The following ZFR2 variants were observed in gnomAD, a reference collection of about 807,000 sequenced individuals.
ZFR2 encodes the protein zinc finger RNA-binding protein 2.
A neutral mutation model predicts 105.7 loss-of-function variants in ZFR2; 104 were observed. The observed-to-expected ratio is 0.98, with a 90% CI of 0.84 to 1.16. The LOEUF (loss-of-function observed/expected upper bound fraction) is 1.16, where lower values mean the gene tolerates loss of function less well. ZFR2 is among the 50% of genes most tolerant of loss of function. The pLI is 0.00. For missense variants in ZFR2, 1,425 were observed against 1,355.5 expected (o/e 1.05, Z -0.80); for synonymous variants, 634 against 597.7 (o/e 1.06, Z -0.89).
intron 1 of ZFR2, among the ~76,000 whole-genome samples, chr19:3,841,087 T>C (rs1019512907): frequency 6.6e-6 from 1 of 151,920 alleles, no homozygotes; most frequent in African/African-American, 2.4e-5. Context: ...AGGCCCCATC[T>C]CTGGCTCTAC....
intron 1 of ZFR2, among the ~76,000 whole-genome samples, chr19:3,863,414 G>A (rs997849649): frequency 9.9e-5 from 15 of 152,044 alleles, no homozygotes; most frequent in African/African-American, 2.7e-4. Context: ...TCCCCACTCC[G>A]GGGAGGGGCT....
At chr19:3,851,633 G>A (rs1230885108) in intron 1 of ZFR2, among the ~76,000 whole-genome samples, 1 of 152,214 alleles carries the variant, frequency 6.6e-6, no homozygotes. Flanking sequence ...AGGGGAGGAA[G>A]GGAGGGGACA....
intron 14 of ZFR2, 70 bp from the exon 15 acceptor site, chr19:3,811,436 G>A (rs1360955018): frequency 2.0e-6 from 3 of 1,473,212 alleles, no homozygotes; most frequent in Non-Finnish European, 2.7e-6. Context: ...ACGGGGTGAG[G>A]GGCTCAGTTT....
At chr19:3,808,742 TG>T in intron 17 of ZFR2, 129 bp downstream of exon 17, 1 of 726,156 alleles carries the variant, frequency 1.4e-6, no homozygotes. Context: ...GTGTGTGTTG[TG>T]GGCCGCACTC....
rs748557968 is a variant in ZFR2, at chr19:3,819,204, C to T, written c.1772G>A (p.Arg591Gln). 30 of 1,571,096 alleles carry T rather than the reference C, an allele frequency of 1.9e-5. No individual in the cohort carries two copies. The highest frequency in any genetic ancestry group is 2.1e-5 in the Non-Finnish European group (25 of 1,165,418). The change falls in exon 12 of 19, where the codon CGG becomes CAG. Residue 591 changes from arginine (R) to glutamine (Q), a missense_variant. Coordinates refer to ENST00000262961, the MANE Select transcript of ZFR2 (RefSeq NM_015174.2). ...PGRRPASSDDRHVMCKHATIY... is the reference protein window; with the variant it reads ...PGRRPASSDDQHVMCKHATIY... Reference sequence around the variant, plus strand: ...GGTGGCGTGCTTGCACATGACGTGCCGGTCGTCGCTGGACGCCGGCCGCCG... The same window carrying T: ...GGTGGCGTGCTTGCACATGACGTGCTGGTCGTCGCTGGACGCCGGCCGCCG...
Position 3,811,254 on chromosome 19 carries a change from CA to C in ZFR2, c.2337+17del, listed in dbSNP as rs753127841. 2 of 1,553,654 alleles carry C rather than the reference CA, an allele frequency of 1.3e-6. No individual in the cohort carries two copies. Among genetic ancestry groups the C allele is most frequent in the Admixed American group, 3.9e-5 (2 of 51,876 alleles). Reference sequence around the variant, plus strand: ...CAAAGTCACCCCTCTCCCCCTGCTCCACCCCTGCCCCCCTGACCTGAAACCA... The same window carrying C: ...CAAAGTCACCCCTCTCCCCCTGCTCCCCCCTGCCCCCCTGACCTGAAACCA... On this transcript the variant is annotated intron_variant, in intron 15 of 18. Coordinates refer to ENST00000262961, the MANE Select transcript of ZFR2 (RefSeq NM_015174.2).
At chr19:3,867,304 T>TGGCG (rs1555762878) in intron 1 of ZFR2, among the ~76,000 whole-genome samples, 2 of 149,656 alleles carry the variant, frequency 1.3e-5, no homozygotes, top group South Asian at 2.1e-4. Flanking sequence ...GATCAACTGT[T>TGGCG]GGGGGGGGAA....
rs932689096 is a variant in ZFR2, at chr19:3,858,320, C to T, written c.53+10645G>A. On this transcript the variant is annotated intron_variant, in intron 1 of 18. Transcript: ENST00000262961. This position sits in a 1 kb window ranked among gnomAD's most constrained non-coding sequence, Gnocchi z 4.3. ...GGGATCTGCAGATAGAGGCAGGTGG[C>T]GAAATGTCTTAGGGACAGCCAGGAA... Among the ~76,000 whole-genome samples the T allele has an allele frequency of 1.3e-5, 2 of 152,058 alleles. No individual in the cohort carries two copies. The highest frequency in any genetic ancestry group is 2.9e-5 in the Non-Finnish European group (2 of 68,010).
At chr19:3,810,683 G>A in intron 16 of ZFR2, 67 bp downstream of exon 16, 1 of 1,423,804 alleles carries the variant, frequency 7.0e-7, no homozygotes, top group Non-Finnish European at 9.5e-7. Flanking sequence ...CTCAGCCTGG[G>A]CCTGTCAGGG....
At position 3,819,061 on chromosome 19, in the gene ZFR2, C is replaced by T; in HGVS notation, c.1915G>A (p.Glu639Lys). 6.2e-7 allele frequency: 1 copy of T among 1,612,534 alleles called. No individual in the cohort carries two copies. The highest frequency in any genetic ancestry group is 1.7e-4 in the Middle Eastern group (1 of 5,736). ...TCCAATGACCTGCGCTTGTCACCCT[C>T]TTCCTCTCGGCGGCCCCGGTCCTCC... ...AEEDRGRREE[E>K]GDKRSSVAPQ... The change falls in exon 12 of 19, where the codon GAG (glutamate) becomes AAG (lysine). Residue 639 changes from glutamate to lysine, a missense_variant. By Grantham distance (56) the Glu-to-Lys change is moderately conservative (BLOSUM62 1). Coordinates refer to ENST00000262961, the MANE Select transcript of ZFR2 (RefSeq NM_015174.2).
Position 3,806,072 on chromosome 19 carries a change from A to T in ZFR2, c.2697T>A (p.Asp899Glu). The change falls in exon 19 of 19, where the codon GAT becomes GAA. Residue 899 changes from aspartate (D) to glutamate (E), a missense_variant. Physicochemically the swap from Asp to Glu is conservative, Grantham distance 45 (BLOSUM62 2). Coordinates refer to ENST00000262961, the MANE Select transcript of ZFR2 (RefSeq NM_015174.2). ...CCAGCCGGTGTCTGGGCGGCAGGAG[A>T]TCCATGCCCAGGACCTTGTGGGTCT... ...FRQTHKVLGM[D>E]LLPPRHRLGA... 6.5e-7 allele frequency: 1 copy of T among 1,527,970 alleles called. No homozygotes were observed. Among genetic ancestry groups the T allele is most frequent in the Non-Finnish European group, 8.8e-7 (1 of 1,138,432 alleles). 94.7% of individuals were successfully genotyped at this position (1,527,970 alleles called of 1,614,324 possible). A position where few individuals can be genotyped will look rare whatever the true frequency, so the allele number is the denominator to read the frequency against.
chr19:3,862,950 A>AG (rs1648948171), intron 1 of ZFR2, among the ~76,000 whole-genome samples: 1 of 152,328 alleles, frequency 6.6e-6, no homozygotes, highest in East Asian at 1.9e-4. Flanking sequence ...AAACAGCTGG[A>AG]GGGGCCCACG....
At chr19:3,833,442 T>G (rs1185913598) in intron 3 of ZFR2, 9 of 398,022 alleles carry the variant, frequency 2.3e-5, no homozygotes, top group East Asian at 4.3e-5. Flanking sequence ...CGGGCGTGGT[T>G]GCAGGCACTT....
chr19:3,807,639 G>A (rs904349082), intron 17 of ZFR2, among the ~76,000 whole-genome samples: 3 of 152,042 alleles, frequency 2.0e-5, no homozygotes, highest in Admixed American at 6.6e-5. Context: ...ATGTGTGCCT[G>A]TGTGTGCATG....
At chr19:3,807,390 C>G (rs992539744) in intron 17 of ZFR2, 121 bp from the exon 18 acceptor site, 9 of 681,746 alleles carry the variant, frequency 1.3e-5, no homozygotes, top group Non-Finnish European at 2.0e-5. Flanking sequence ...ATACTTGCAG[C>G]CGTGGCACCT....
chr19:3,819,159 T>G lies in ZFR2; in HGVS notation c.1817A>C (p.Glu606Ala). Residue 606 changes from glutamate to alanine, a missense_variant, in exon 12 of 19, where the codon GAG becomes GCG. Physicochemically the swap from Glu to Ala is moderately radical, Grantham distance 107. Transcript: ENST00000262961. The stretch of plus-strand genomic sequence containing the variant: ...CACGGCCCTCTGCACGGCCAGGAGC[T>G]CCTGCTCCGTGGGGTAGATGGTGGC... ...KHATIYPTEQ[E>A]LLAVQRAVSH... is the part of the protein sequence containing the mutation. 1 of 1,604,202 alleles carries G rather than the reference T, an allele frequency of 6.2e-7. No individual in the cohort carries two copies. Among genetic ancestry groups the G allele is most frequent in the South Asian group, 1.1e-5 (1 of 90,718 alleles).
At chr19:3,829,163 T>C (rs182955632) in intron 5 of ZFR2, among the ~76,000 whole-genome samples, 5 of 152,176 alleles carry the variant, frequency 3.3e-5, no homozygotes, top group South Asian at 2.1e-4. Flanking sequence ...GGTTTCACCA[T>C]GTTGGCCAGG....
In ZFR2 at chr19:3,827,490, CG is replaced by C; in HGVS notation, c.1015del (p.Arg339GlyfsTer88). 1 of 1,551,136 alleles carries C rather than the reference CG, an allele frequency of 6.4e-7. No homozygotes were observed. The highest frequency in any genetic ancestry group is 8.7e-7 in the Non-Finnish European group (1 of 1,148,042). On this transcript the variant is annotated frameshift_variant, in exon 6 of 19. Transcript: ENST00000262961. LOFTEE classifies it high-confidence loss of function. ...CCGTACCTTCTGGTGCTTGGATCCC[CG>C]GATGTGGGCCGCGTAGGCGTCCGCC... ...TGADAYAAHI[R>X]GSKHQKVFKL...
At chr19:3,832,069 G>A (rs1008788425) in intron 3 of ZFR2, among the ~76,000 whole-genome samples, 191 bp from the exon 4 acceptor site, 4 of 152,134 alleles carry the variant, frequency 2.6e-5, no homozygotes, top group Non-Finnish European at 4.4e-5. Context: ...TCCAGAGCCC[G>A]GCTTCTCTCT....
Sources: gnomAD v4.1 joint callset for allele counts (sites outside exome capture counted in the v4.1 genomes callset) on GRCh38, gnomAD v4.1.1 for gene constraint, Gnocchi (gnomAD v3.1) non-coding constraint, MANE v1.5 for transcripts, NCBI Gene and HGNC (gene_info 2026-07-23, HGNC 2026-07-21) for gene names.